KCNQ3: variants seen among roughly 807,000 people sequenced by gnomAD.
The protein encoded by KCNQ3 is potassium voltage-gated channel subfamily Q member 3.
Under a neutral mutation model 92.5 loss-of-function variants are expected in KCNQ3, and 30 were observed. That is an observed-to-expected ratio of 0.32 (90% confidence interval 0.24 to 0.44). KCNQ3 has a LOEUF of 0.44. Ranked by LOEUF, KCNQ3 falls within the 20% of genes least tolerant of loss-of-function variation. The pLI is 1.00. For missense variants in KCNQ3, 913 were observed against 1,140.3 expected (o/e 0.80, Z 2.87); for synonymous variants, 450 against 468.8 (o/e 0.96, Z 0.52).
intron 1 of KCNQ3, among the ~76,000 whole-genome samples, chr8:132,476,102 G>T (rs1563924207): frequency 6.6e-6 from 1 of 152,254 alleles, no homozygotes; most frequent in Non-Finnish European, 1.5e-5. Context: ...GTGGTGTTGG[G>T]CCTGTGGGTG....
At chr8:132,219,002 C>T (rs1814130165) in intron 1 of KCNQ3, among the ~76,000 whole-genome samples, 1 of 152,316 alleles carries the variant, frequency 6.6e-6, no homozygotes, top group East Asian at 1.9e-4. Context: ...CTACTCATAG[C>T]ATCTCTGTCC....
At chr8:132,140,985 A>G in intron 10 of KCNQ3, 144 bp downstream of exon 10, 1 of 749,240 alleles carries the variant, frequency 1.3e-6, no homozygotes, top group Non-Finnish European at 2.4e-6. Context: ...TTAGGGAAGC[A>G]AGAAGTTGGC....
chr8:132,301,965 C>A (rs1327896771), intron 1 of KCNQ3, among the ~76,000 whole-genome samples: 2 of 152,112 alleles, frequency 1.3e-5, no homozygotes, highest in Non-Finnish European at 2.9e-5. Flanking sequence ...TGGAAACAAC[C>A]AAAGGAGACC....
chr8:132,289,596 C>A (rs1045720805), intron 1 of KCNQ3, among the ~76,000 whole-genome samples: 27 of 152,096 alleles, frequency 1.8e-4, no homozygotes, highest in Non-Finnish European at 3.2e-4. Context: ...ATATTTAGAG[C>A]CCACCAGGAT....
intron 1 of KCNQ3, among the ~76,000 whole-genome samples, chr8:132,219,147 T>G (rs73356984): frequency 0.013 from 2,029 of 152,232 alleles, 47 homozygotes; most frequent in African/African-American, 0.047. Context: ...GTTTCTAAAG[T>G]GTTTTTCCAC....
intron 1 of KCNQ3, among the ~76,000 whole-genome samples, chr8:132,447,556 C>T (rs1289827842): frequency 6.6e-6 from 1 of 151,912 alleles, no homozygotes; most frequent in Non-Finnish European, 1.5e-5. Flanking sequence ...AGCGGGTGAG[C>T]TGGGTTATGG....
chr8:132,220,493 A>T (rs1190428909), intron 1 of KCNQ3, among the ~76,000 whole-genome samples: 1 of 152,178 alleles, frequency 6.6e-6, no homozygotes, highest in Non-Finnish European at 1.5e-5. Flanking sequence ...TCATGTCTGT[A>T]ATCCCAGCAC....
chr8:132,231,082 G>A (rs555151360), intron 1 of KCNQ3, among the ~76,000 whole-genome samples: 1 of 152,248 alleles, frequency 6.6e-6, no homozygotes, highest in African/African-American at 2.4e-5. Flanking sequence ...ATGGCCATGC[G>A]ACCAGAATGA....
intron 1 of KCNQ3, chr8:132,277,894 T>G: frequency 1.0e-6 from 1 of 952,680 alleles, no homozygotes. Context: ...GATCCCCCTG[T>G]CTCTGCTTCC....
Position 132,126,193 on chromosome 8 carries a change from C to T in KCNQ3, c.*3069G>A, listed in dbSNP as rs1018367145. 7 of 152,272 alleles carry T rather than the reference C, an allele frequency of 4.6e-5. No homozygotes were observed. Among genetic ancestry groups the T allele is most frequent in the East Asian group, 1.9e-4 (1 of 5,178 alleles). The allele number at this position is 152,272 out of a possible 1,614,324, so 9.4% of individuals were successfully genotyped here. On this transcript the variant is annotated 3_prime_UTR_variant, in exon 15 of 15. Transcript: ENST00000388996. ...AATATTTCATGGAGTTCTGCTGAAACGATTGCAATTTCTTGGGCAAGTTTC... is the reference window on the plus strand; with the variant it reads ...AATATTTCATGGAGTTCTGCTGAAATGATTGCAATTTCTTGGGCAAGTTTC...
chr8:132,214,097 T>C (rs1399935231), intron 1 of KCNQ3, among the ~76,000 whole-genome samples: 1 of 152,156 alleles, frequency 6.6e-6, no homozygotes, highest in African/African-American at 2.4e-5. Context: ...AAGACTTGGG[T>C]TAGGAGACCT....
chr8:132,360,210 C>G (rs1246618507), intron 1 of KCNQ3, among the ~76,000 whole-genome samples: 1 of 152,226 alleles, frequency 6.6e-6, no homozygotes, highest in Non-Finnish European at 1.5e-5. Context: ...TCTCTCCTCC[C>G]CATTGCTTCT....
In KCNQ3 at chr8:132,193,849, T is replaced by TG. The variant is rs2130230762; in HGVS notation, c.387-7669dup. On this transcript the variant is annotated intron_variant, in intron 1 of 14. Transcript: ENST00000388996. ...CACTGTGCTGAGAGCACTGGAGCCT[T>TG]GGAAGAGAATCTGCAGAGAATGAGG... Among the ~76,000 whole-genome samples the TG allele has an allele frequency of 2.0e-5, 3 of 152,264 alleles. No individual in the cohort carries two copies. The South Asian group carries it at 6.2e-4, about 32-fold the overall frequency.
At chr8:132,403,269 G>T (rs1413788842) in intron 1 of KCNQ3, among the ~76,000 whole-genome samples, 4 of 152,048 alleles carry the variant, frequency 2.6e-5, no homozygotes, top group African/African-American at 9.7e-5. Flanking sequence ...ATGACCTTGG[G>T]CCCTCCTGTG....
At chr8:132,448,986 G>T (rs1432334496) in intron 1 of KCNQ3, among the ~76,000 whole-genome samples, 1 of 152,214 alleles carries the variant, frequency 6.6e-6, no homozygotes, top group African/African-American at 2.4e-5. Flanking sequence ...CCACGGTACG[G>T]CAGGAAGAGC....
chr8:132,165,533 T>TTCAGTTCTG (rs1826119707), intron 8 of KCNQ3, among the ~76,000 whole-genome samples: 1 of 152,190 alleles, frequency 6.6e-6, no homozygotes, highest in African/African-American at 2.4e-5. Flanking sequence ...CCAGATTCAA[T>TTCAGTTCTG]CAGCCGAGAC....
At chr8:132,452,519 A>G (rs1821845877) in intron 1 of KCNQ3, among the ~76,000 whole-genome samples, 1 of 152,164 alleles carries the variant, frequency 6.6e-6, no homozygotes, top group South Asian at 2.1e-4. Context: ...CCCGCTTTCC[A>G]AGACTGCTGT....
chr8:132,297,302 G>C (rs1227609907), intron 1 of KCNQ3, among the ~76,000 whole-genome samples: 1 of 152,034 alleles, frequency 6.6e-6, no homozygotes, highest in East Asian at 1.9e-4. Flanking sequence ...CCCTTTGTCA[G>C]ATGAGTAGGT....
intron 1 of KCNQ3, among the ~76,000 whole-genome samples, chr8:132,306,964 G>A (rs1817445651): frequency 6.6e-6 from 1 of 152,152 alleles, no homozygotes; most frequent in Non-Finnish European, 1.5e-5. Flanking sequence ...AGAAGCTGTG[G>A]GAGTCTTGGC....
Sources: allele counts gnomAD v4.1 joint callset (sites outside exome capture counted in the v4.1 genomes callset), GRCh38; gene constraint gnomAD v4.1.1; transcripts MANE v1.5; gene names NCBI Gene and HGNC (gene_info 2026-07-23, HGNC 2026-07-21).